Variants in RAET1L observed in about 807,000 individuals in gnomAD.
The protein encoded by RAET1L is UL16-binding protein 6.
In RAET1L, 16 loss-of-function variants were observed where a neutral mutation model predicts 23.9. The ratio of observed to expected loss-of-function variants is 0.67; its 90% confidence interval spans 0.45 to 1.02. RAET1L has a LOEUF of 1.02. RAET1L is among the 50% of genes least tolerant of loss of function. RAET1L has a pLI of 0.00. For synonymous variants in RAET1L, 70 were observed against 111.2 expected (o/e 0.63, Z 2.33); for missense variants, 233 against 304.0 (o/e 0.77, Z 1.74).
intron 4 of RAET1L, among the ~76,000 whole-genome samples, chr6:150,019,569 T>TTAATTCCTGGA (rs71010878): frequency 3.4e-4 from 46 of 134,294 alleles, no homozygotes; most frequent in Middle Eastern, 3.7e-3. Flanking sequence ...ACCTTCCACC[T>TTAATTCCTGGA]ACTTTCTGTG....
At chr6:150,024,191 G>T (rs1001237655) in intron 1 of RAET1L, among the ~76,000 whole-genome samples, 11 of 152,090 alleles carry the variant, frequency 7.2e-5, no homozygotes, top group African/African-American at 2.7e-4. Flanking sequence ...CCCCAACTAT[G>T]GGACCCCCAC....
intron 4 of RAET1L, among the ~76,000 whole-genome samples, chr6:150,019,569 T>TTAATTCCTGGAACCTA (rs71010878): frequency 2.5e-4 from 34 of 134,380 alleles, no homozygotes; most frequent in Admixed American, 5.9e-4. Flanking sequence ...ACCTTCCACC[T>TTAATTCCTGGAACCTA]ACTTTCTGTG....
intron 2 of RAET1L, among the ~76,000 whole-genome samples, chr6:150,021,597 CT>C (rs750629393): frequency 0.024 from 2,260 of 92,588 alleles, 115 homozygotes; most frequent in African/African-American, 0.084. Context: ...CTGCACCTGG[CT>C]TTTTTTTTTT....
intron 2 of RAET1L, among the ~76,000 whole-genome samples, chr6:150,021,614 G>A (rs866991753): frequency 4.4e-5 from 1 of 22,920 alleles, no homozygotes; most frequent in Non-Finnish European, 1.1e-4. Context: ...TTTTTTTTTT[G>A]AGACAAAGTC....
At chr6:150,023,205 C>T (rs1317414998) in intron 1 of RAET1L, among the ~76,000 whole-genome samples, 6 of 151,748 alleles carry the variant, frequency 4.0e-5, no homozygotes, top group African/African-American at 9.7e-5. Flanking sequence ...CTCAGTTATA[C>T]AAAGTTATGC....
intron 1 of RAET1L, among the ~76,000 whole-genome samples, chr6:150,024,418 G>T (rs1779922601): frequency 6.6e-6 from 1 of 152,158 alleles, no homozygotes; most frequent in African/African-American, 2.4e-5. Context: ...TCTACAAAGG[G>T]ACAGGACTGG....
intron 1 of RAET1L, among the ~76,000 whole-genome samples, chr6:150,023,672 CCCCCTAAGAT>C (rs1216277002): frequency 2.0e-5 from 3 of 152,140 alleles, no homozygotes; most frequent in Non-Finnish European, 4.4e-5. Context: ...TGACCCAAGA[CCCCCTAAGAT>C]CCTAGAGGTA....
intron 4 of RAET1L, among the ~76,000 whole-genome samples, 172 bp from the exon 5 acceptor site, chr6:150,019,027 T>G (rs1779855503): frequency 6.6e-6 from 1 of 152,164 alleles, no homozygotes; most frequent in Admixed American, 6.5e-5. Context: ...TTTCCTCCTT[T>G]GTCACATCAC....
chr6:150,022,952 C>A (rs112009472), intron 1 of RAET1L, among the ~76,000 whole-genome samples: 1 of 109,778 alleles, frequency 9.1e-6, no homozygotes, highest in East Asian at 2.2e-4. Context: ...CTGGAGGACT[C>A]CTGTTTACCC....
chr6:150,018,939 G>A lies in RAET1L; in HGVS notation c.*23-84C>T, dbSNP rs181135299. On this transcript the variant is annotated intron_variant, in intron 4 of 4. Transcript: ENST00000367341. ...GGTAATCTTTCCCTAGTCACTCTAT[G>A]TCTCAGAGCCCCCTGCACTAAGGGA... The A allele has an allele frequency of 7.1e-3, 1,841 of 260,314 alleles. 60 individuals are homozygous for A. The highest frequency in any genetic ancestry group is 0.066 in the Admixed American group (1,315 of 20,006). The allele number at this position is 260,314 out of a possible 1,614,324, so 16.1% of individuals were successfully genotyped here.
intron 1 of RAET1L, among the ~76,000 whole-genome samples, chr6:150,024,746 A>C (rs112982063): frequency 0.033 from 5,002 of 151,804 alleles, 275 homozygotes; most frequent in African/African-American, 0.11. Flanking sequence ...GTGGTGAGGT[A>C]CCCTTCATGG....
Position 150,020,904 on chromosome 6 carries a change from C to T in RAET1L, c.631+1G>A. The T allele has an allele frequency of 6.2e-7, 1 of 1,613,660 alleles. No homozygotes were observed. The highest frequency in any genetic ancestry group is 8.5e-7 in the Non-Finnish European group (1 of 1,179,736). ...ATCCCCGTTTCTTTTTCTCCTGTTA[C>T]CTCCTGCACTTGGCTCCAGGGTGCT... On this transcript the variant is annotated splice_donor_variant, in intron 3 of 4. Transcript: ENST00000367341. LOFTEE classifies it high-confidence loss of function.
intron 2 of RAET1L, among the ~76,000 whole-genome samples, chr6:150,021,703 C>T (rs991536448): frequency 1.4e-4 from 20 of 148,078 alleles, no homozygotes; most frequent in African/African-American, 4.8e-4. Flanking sequence ...TCAAGGGATC[C>T]TCCTGCCTCA....
intron 1 of RAET1L, among the ~76,000 whole-genome samples, chr6:150,024,039 G>T (rs554253174): frequency 1.2e-4 from 19 of 152,270 alleles, no homozygotes; most frequent in African/African-American, 4.6e-4. Context: ...CGGGAACCAA[G>T]AAGTTGCACA....
chr6:150,021,296 C>T (rs867942072), intron 2 of RAET1L, 110 bp from the exon 3 acceptor site: 1 of 1,371,892 alleles, frequency 7.3e-7, no homozygotes, highest in Non-Finnish European at 1.0e-6. Context: ...TTGGCCTTGC[C>T]TCTAGACTCT....
chr6:150,021,448 C>T (rs1172735845), intron 2 of RAET1L, among the ~76,000 whole-genome samples: 4 of 135,830 alleles, frequency 2.9e-5, no homozygotes, highest in Non-Finnish European at 4.9e-5. Context: ...TACAGGCGCC[C>T]GCCACCATAC....
intron 2 of RAET1L, among the ~76,000 whole-genome samples, 167 bp from the exon 3 acceptor site, chr6:150,021,353 G>A (rs960204909): frequency 1.9e-5 from 2 of 105,706 alleles, no homozygotes; most frequent in African/African-American, 8.4e-5. Flanking sequence ...TTTTTTTTTT[G>A]AGAAAGGGTC....
At chr6:150,024,177 A>G (rs1327127710) in intron 1 of RAET1L, among the ~76,000 whole-genome samples, 1 of 152,086 alleles carries the variant, frequency 6.6e-6, no homozygotes, top group African/African-American at 2.4e-5. Flanking sequence ...AGGGGAGAAT[A>G]AGCCCCCAAC....
intron 1 of RAET1L, among the ~76,000 whole-genome samples, chr6:150,024,144 A>G (rs150974279): frequency 4.8e-4 from 73 of 152,214 alleles, no homozygotes; most frequent in East Asian, 1.5e-3. Flanking sequence ...GATGGTCCCC[A>G]TGGATGCCAC....
Sources: allele counts gnomAD v4.1 joint callset (sites outside exome capture counted in the v4.1 genomes callset), GRCh38; gene constraint gnomAD v4.1.1; transcripts MANE v1.5; gene names NCBI Gene and HGNC (gene_info 2026-07-23, HGNC 2026-07-21).